TAP2: variants seen among roughly 807,000 people sequenced by gnomAD.
TAP2 encodes antigen peptide transporter 2.
In TAP2, 49 loss-of-function variants were observed where a neutral mutation model predicts 74.7. The ratio of observed to expected loss-of-function variants is 0.66; its 90% CI spans 0.52 to 0.83. TAP2 has a LOEUF of 0.83. Among genes scored for constraint, TAP2 ranks in the 40% least tolerant of loss-of-function variants. The pLI is 0.00. For missense variants in TAP2, 739 were observed against 859.0 expected (o/e 0.86, Z 1.75); for synonymous variants, 306 against 368.4 (o/e 0.83, Z 1.94).
At chr6:32,825,125 G>GA (rs28381587), downstream of TAP2, among the ~76,000 whole-genome samples, 6,854 of 101,890 alleles carry the variant, frequency 0.067, 274 homozygotes, top group South Asian at 0.15. Context: ...CTGTCTGTTG[G>GA]TTATATACAT....
chr6:32,832,444 C>A lies in TAP2; in HGVS notation c.1161G>T (p.Val387=). 1 of 1,612,754 alleles carries A rather than the reference C, an allele frequency of 6.2e-7. No individual in the cohort carries two copies. The highest frequency in any genetic ancestry group is 8.5e-7 in the Non-Finnish European group (1 of 1,179,874). ...GCCCACAGCTCAGCATCAGCATCTG[C>A]ACCCCCAAGTGCAGCACCTGGAAGA... The part of the protein sequence containing the change: ...LLVRRVLHLG[V]QMLMLSCGLQ... The change falls in exon 7 of 12, where the codon GTG becomes GTT. Residue 387 remains valine, a synonymous_variant. Coordinates refer to ENST00000374897, the MANE Select transcript of TAP2 (RefSeq NM_001290043.2). This position sits in a 1 kb window ranked among gnomAD's most constrained non-coding sequence, Gnocchi z 5.9.
downstream of TAP2, among the ~76,000 whole-genome samples, chr6:32,823,023 A>G (rs113025746): frequency 0.1 from 15,237 of 149,802 alleles, 1,169 homozygotes; most frequent in African/African-American, 0.22. Context: ...AGATTCAAGC[A>G]ATTCTCCTGC....
In TAP2 at chr6:32,826,574, A is replaced by G; in HGVS notation, c.*2332T>C. The stretch of plus-strand genomic sequence containing the variant: ...CCGAATATTTTGACTTTCAGGGAGC[A>G]TTTTTCTGTGTCCCTGACATAAAGC... On this transcript the variant is annotated 3_prime_UTR_variant, in exon 12 of 12. Transcript: ENST00000374897. 1.0e-6 allele frequency: 1 copy of G among 985,356 alleles called. No individual in the cohort carries two copies. Among genetic ancestry groups the G allele is most frequent in the Non-Finnish European group, 1.2e-6 (1 of 829,904 alleles). 61.0% of individuals were successfully genotyped at this position (985,356 alleles called of 1,614,324 possible). A position where few individuals can be genotyped will look rare whatever the true frequency, so the allele number is the denominator to read the frequency against.
In TAP2 at chr6:32,829,958, G is replaced by A; in HGVS notation, c.1767C>T (p.Ile589=). The change falls in exon 10 of 12, where the codon ATC becomes ATT. Residue 589 remains isoleucine, a synonymous_variant. Transcript: ENST00000374897. ...TGTATATTCCATGCTCCATTTCCTGGATGAAGTCATCTGCGTGGGCAGCCT... is the reference window on the plus strand; with the variant it reads ...TGTATATTCCATGCTCCATTTCCTGAATGAAGTCATCTGCGTGGGCAGCCT... The part of the protein sequence containing the change: ...AAQAAHADDF[I]QEMEHGIYTD... 6.2e-7 allele frequency: 1 copy of A among 1,613,090 alleles called. No homozygotes were observed. The highest frequency in any genetic ancestry group is 8.5e-7 in the Non-Finnish European group (1 of 1,180,018).
Position 32,832,165 on chromosome 6 carries a change from T to G in TAP2, c.1272+168A>C. 1.1e-6 allele frequency: 1 copy of G among 891,406 alleles called. No individual in the cohort carries two copies. 55.2% of individuals were successfully genotyped at this position (891,406 alleles called of 1,614,324 possible). A position where few individuals can be genotyped will look rare whatever the true frequency, so the allele number is the denominator to read the frequency against. ...GATGTATACATGTGAGTTTGTAATATTATTTTGTCTCATTTTTGGCATATG... is the reference window on the plus strand; with the variant it reads ...GATGTATACATGTGAGTTTGTAATAGTATTTTGTCTCATTTTTGGCATATG... On this transcript the variant is annotated intron_variant, in intron 7 of 11. Transcript: ENST00000374897. The surrounding 1 kb of genome is among the most constrained non-coding windows in gnomAD (Gnocchi z 5.9).
intron 11 of TAP2, 139 bp from the exon 12 acceptor site, chr6:32,829,173 G>A (rs968785816): frequency 2.0e-6 from 3 of 1,483,162 alleles, no homozygotes; most frequent in East Asian, 2.5e-5. Flanking sequence ...TAAAGGCCTG[G>A]ACTGCCCTTC....
chr6:32,830,771 G>A lies in TAP2; in HGVS notation c.1308C>T (p.Asn436=), dbSNP rs1042116. The change falls in exon 8 of 12, where the codon AAC becomes AAT. Residue 436 remains asparagine, a synonymous_variant. Transcript: ENST00000374897. The stretch of plus-strand genomic sequence containing the variant: ...AGAAAACCTTCTCTGCAGCTCCCAC[G>A]TTGCTGAGCATATCCCCATATATGT... ...LVYIYGDMLS[N]VGAAEKVFSY... is the part of the protein sequence containing the mutation. 0.099 allele frequency: 159,357 copies of A among 1,612,240 alleles called. 9,114 individuals carry two copies. The highest frequency in any genetic ancestry group is 0.11 in the Non-Finnish European group (131,149 of 1,179,592).
At chr6:32,829,705 T>C (rs1216786354) in intron 10 of TAP2, among the ~76,000 whole-genome samples, 169 bp from the exon 11 acceptor site, 1 of 152,132 alleles carries the variant, frequency 6.6e-6, no homozygotes, top group Non-Finnish European at 1.5e-5. Flanking sequence ...CTGACGGGGC[T>C]GCCCACGGAG....
At position 32,827,852 on chromosome 6, in the gene TAP2, G is replaced by C; in HGVS notation, c.*1054C>G. ...AAAATGACTTTGTGAAGAATGGCCGGAAGAGGGAAGCTAATGGTAGAGAAA... is the reference window on the plus strand; with the variant it reads ...AAAATGACTTTGTGAAGAATGGCCGCAAGAGGGAAGCTAATGGTAGAGAAA... On this transcript the variant is annotated 3_prime_UTR_variant, in exon 12 of 12. Coordinates refer to ENST00000374897, the MANE Select transcript of TAP2 (RefSeq NM_001290043.2). 13 of 865,982 alleles carry C rather than the reference G, an allele frequency of 1.5e-5. 2 individuals are homozygous for C. The highest frequency in any genetic ancestry group is 1.6e-5 in the Non-Finnish European group (12 of 752,124). The allele number at this position is 865,982 out of a possible 1,614,324, so 53.6% of individuals were successfully genotyped here. A position where few individuals can be genotyped will look rare whatever the true frequency, so the allele number is the denominator to read the frequency against.
chr6:32,831,018 C>A (rs241433), intron 7 of TAP2, among the ~76,000 whole-genome samples: 87,732 of 151,944 alleles, frequency 0.58, 25,641 homozygotes, highest in Non-Finnish European at 0.61. Context: ...TATACAGTCC[C>A]TTCTCCTACC....
In TAP2 at chr6:32,837,568, T is replaced by C; in HGVS notation, c.577A>G (p.Ile193Val). Residue 193 changes from isoleucine to valine, a missense_variant, in exon 3 of 12, where the codon ATC becomes GTC. Physicochemically the swap from Ile to Val is conservative, Grantham distance 29 (BLOSUM62 3). Coordinates refer to ENST00000374897, the MANE Select transcript of TAP2 (RefSeq NM_001290043.2). ...AAGGAGAAGAGGCACATGAAGAAGATGGCACTGGCAAAGGCATGGGGGTCA... is the reference window on the plus strand; with the variant it reads ...AAGGAGAAGAGGCACATGAAGAAGACGGCACTGGCAAAGGCATGGGGGTCA... ...DFDPHAFASA[I>V]FFMCLFSFGS... 1.9e-6 allele frequency: 3 copies of C among 1,614,082 alleles called. No homozygotes were observed. Among genetic ancestry groups the C allele is most frequent in the Non-Finnish European group, 2.5e-6 (3 of 1,180,002 alleles).
chr6:32,827,261 A>G lies in TAP2; in HGVS notation c.*1645T>C, dbSNP rs986217057. On this transcript the variant is annotated 3_prime_UTR_variant, in exon 12 of 12. Transcript: ENST00000374897. ...CCTCCCAACAACCAGTGATGTGTAC[A>G]ATGTTGCATTTTCAGTGGTGGGAGT... 1.0e-6 allele frequency: 1 copy of G among 985,318 alleles called. No homozygotes were observed. The highest frequency in any genetic ancestry group is 1.7e-5 in the African/African-American group (1 of 57,226). The allele number at this position is 985,318 out of a possible 1,614,324, so 61.0% of individuals were successfully genotyped here. A position where few individuals can be genotyped will look rare whatever the true frequency, so the allele number is the denominator to read the frequency against.
intron 5 of TAP2, among the ~76,000 whole-genome samples, chr6:32,834,869 A>C (rs1769308346): frequency 6.6e-6 from 1 of 152,188 alleles, no homozygotes; most frequent in Admixed American, 6.5e-5. Flanking sequence ...GCTAATGAAA[A>C]GTTATCATCG....
At position 32,826,560 on chromosome 6, in the gene TAP2, G is replaced by C. The variant is rs970696730; in HGVS notation, c.*2346C>G. ...TTTGTCTGTCTAGCCCGAATATTTT[G>C]ACTTTCAGGGAGCATTTTTCTGTGT... On this transcript the variant is annotated 3_prime_UTR_variant, in exon 12 of 12. Coordinates refer to ENST00000374897, the MANE Select transcript of TAP2 (RefSeq NM_001290043.2). 4 of 985,228 alleles carry C rather than the reference G, an allele frequency of 4.1e-6. No homozygotes were observed. In the African/African-American group the frequency reaches 5.2e-5, roughly 13 times the overall value. The allele number at this position is 985,228 out of a possible 1,614,324, so 61.0% of individuals were successfully genotyped here.
rs754550296 is a variant in TAP2 at position 32,835,486 on chromosome 6, G to C, written c.740-127C>G. The C allele has an allele frequency of 2.6e-5, 37 of 1,428,410 alleles. No homozygotes were observed. Among genetic ancestry groups the C allele is most frequent in the Non-Finnish European group, 3.4e-5 (35 of 1,028,490 alleles). 88.5% of individuals were successfully genotyped at this position (1,428,410 alleles called of 1,614,324 possible). A position where few individuals can be genotyped will look rare whatever the true frequency, so the allele number is the denominator to read the frequency against. On this transcript the variant is annotated intron_variant, in intron 4 of 11. Transcript: ENST00000374897. The surrounding 1 kb of genome is among the most constrained non-coding windows in gnomAD (Gnocchi z 4.0). ...GAACATCCTCCTTCACTTGCAGAGG[G>C]ACAGTGGAGGCTGCTTCTCCACCCT... is the stretch of plus-strand genomic sequence containing the variant.
Position 32,838,025 on chromosome 6 carries a change from C to T in TAP2, c.209G>A (p.Cys70Tyr). The T allele has an allele frequency of 6.2e-7, 1 of 1,612,512 alleles. No individual in the cohort carries two copies. Among genetic ancestry groups the T allele is most frequent in the Non-Finnish European group, 8.5e-7 (1 of 1,179,822 alleles). The change falls in exon 2 of 12, where the codon TGT becomes TAT. Residue 70 changes from cysteine to tyrosine, a missense_variant. Cys to Tyr is a radical substitution (Grantham distance 194). Coordinates refer to ENST00000374897, the MANE Select transcript of TAP2 (RefSeq NM_001290043.2). ...GFVGTLLLPL[C>Y]LATPLTVSLR... ...GGAGACAGTCAGGGGGGTGGCCAGA[C>T]AGAGCGGGAGCAGCAGTGTCCCCAC...
In TAP2 at chr6:32,835,891, G is replaced by A; in HGVS notation, c.609-118C>T. ...GCAAAGTCAGGGGAAAGCATGCCAG[G>A]AGGGGCAAAAGAGAAAGAAATGAGA... is the stretch of plus-strand genomic sequence containing the variant. On this transcript the variant is annotated intron_variant, in intron 3 of 11. Transcript: ENST00000374897. The surrounding 1 kb of genome is among the most constrained non-coding windows in gnomAD (Gnocchi z 4.0). 2.3e-6 allele frequency: 3 copies of A among 1,318,264 alleles called. No individual in the cohort carries two copies. The highest frequency in any genetic ancestry group is 3.2e-6 in the Non-Finnish European group (3 of 925,678). The allele number at this position is 1,318,264 out of a possible 1,614,324, so 81.7% of individuals were successfully genotyped here. A position where few individuals can be genotyped will look rare whatever the true frequency, so the allele number is the denominator to read the frequency against.
intron 7 of TAP2, 136 bp from the exon 8 acceptor site, chr6:32,830,942 G>C (rs1464078192): frequency 7.0e-6 from 6 of 853,148 alleles, no homozygotes; most frequent in Admixed American, 2.0e-5. Context: ...ACTTTTAAAT[G>C]TACAATTTGG....
downstream of TAP2, among the ~76,000 whole-genome samples, chr6:32,822,816 C>T (rs1287194131): frequency 1.3e-5 from 2 of 152,012 alleles, no homozygotes; most frequent in Admixed American, 1.3e-4. Context: ...TAGGTGTGAG[C>T]CACTGCACCC....
Sources: gnomAD v4.1 joint callset for allele counts (sites outside exome capture counted in the v4.1 genomes callset) on GRCh38, gnomAD v4.1.1 for gene constraint, Gnocchi (gnomAD v3.1) non-coding constraint, MANE v1.5 for transcripts, NCBI Gene and HGNC (gene_info 2026-07-23, HGNC 2026-07-21) for gene names.